The following NRG4 variants were observed in gnomAD, a reference collection of about 807,000 sequenced individuals.
NRG4 encodes neuregulin 4, also known as pro-neuregulin-4, membrane-bound isoform.
Under a neutral mutation model 15.0 loss-of-function variants are expected in NRG4, and 10 were observed. That is an observed-to-expected ratio of 0.67 (90% CI 0.41 to 1.13). The LOEUF is 1.13. Among genes scored for constraint, NRG4 ranks in the 50% most tolerant of loss-of-function variants. The pLI, the probability that NRG4 is intolerant of heterozygous loss-of-function variation, is 0.00. For synonymous variants in NRG4, 41 were observed against 50.1 expected, an observed-to-expected ratio of 0.82 and a Z score of 0.77; for missense variants, 139 against 140.2, an observed-to-expected ratio of 0.99 and a Z score of 0.04.
intron 3 of NRG4, among the ~76,000 whole-genome samples, chr15:76,004,674 A>T (rs1217106552): frequency 6.6e-6 from 1 of 152,054 alleles, no homozygotes; most frequent in African/African-American, 2.4e-5. Flanking sequence ...ATAGAAAATA[A>T]CAAAAAAGTG....
chr15:76,013,015 T>C (rs1325806913), upstream of NRG4, among the ~76,000 whole-genome samples: 1 of 152,198 alleles, frequency 6.6e-6, no homozygotes, highest in African/African-American at 2.4e-5. Context: ...TTTAAAATAT[T>C]GACTAAAACT....
intron 5 of NRG4, among the ~76,000 whole-genome samples, chr15:75,946,173 G>A (rs1475110096): frequency 1.3e-5 from 2 of 152,198 alleles, no homozygotes; most frequent in Non-Finnish European, 2.9e-5. Context: ...ATTTCATCAT[G>A]TTGCTTAGAA....
intron 5 of NRG4, among the ~76,000 whole-genome samples, chr15:75,945,391 C>G (rs1000166422): frequency 3.0e-4 from 45 of 151,674 alleles, no homozygotes; most frequent in African/African-American, 1.0e-3. Context: ...GCTGGGATTA[C>G]AGGCGCCCGC....
intron 3 of NRG4, among the ~76,000 whole-genome samples, chr15:75,992,948 G>A (rs529395073): frequency 4.2e-4 from 64 of 151,596 alleles, no homozygotes; most frequent in African/African-American, 1.5e-3. Flanking sequence ...AGCTATTATG[G>A]GTAATGCTTT....
intron 4 of NRG4, among the ~76,000 whole-genome samples, chr15:76,050,328 A>G (rs1338156782): frequency 1.4e-5 from 2 of 147,556 alleles, no homozygotes; most frequent in Non-Finnish European, 3.0e-5. Context: ...TTTCTAATCT[A>G]TTTTTTCCTG....
At chr15:76,033,305 T>C (rs112466805) in intron 5 of NRG4, among the ~76,000 whole-genome samples, 3,263 of 152,304 alleles carry the variant, frequency 0.021, 131 homozygotes, top group African/African-American at 0.075. Flanking sequence ...CCTGTCATCC[T>C]AGCACATTAG....
At chr15:76,050,571 CA>C (rs1334776375) in intron 4 of NRG4, among the ~76,000 whole-genome samples, 2 of 144,516 alleles carry the variant, frequency 1.4e-5, no homozygotes, top group Non-Finnish European at 3.0e-5. Flanking sequence ...GCTGGGATTA[CA>C]GGCACTCACC....
At chr15:75,989,510 GA>G (rs753781993) in intron 3 of NRG4, among the ~76,000 whole-genome samples, 6,777 of 146,332 alleles carry the variant, frequency 0.046, 271 homozygotes, top group African/African-American at 0.11. Context: ...TCCTTAGTCT[GA>G]AAAAAAAAAA....
At chr15:75,976,657 A>C (rs968579926) in intron 3 of NRG4, among the ~76,000 whole-genome samples, 10 of 152,166 alleles carry the variant, frequency 6.6e-5, no homozygotes, top group African/African-American at 2.2e-4. Flanking sequence ...TCACCAGCGG[A>C]GGCTGCAGAA....
intron 3 of NRG4, among the ~76,000 whole-genome samples, chr15:75,992,251 C>G (rs1406141438): frequency 1.3e-5 from 2 of 152,158 alleles, no homozygotes; most frequent in Non-Finnish European, 2.9e-5. Flanking sequence ...ATGTACCTCA[C>G]CTAAGTTGAG....
At chr15:76,006,494 G>A (rs535421820) in intron 3 of NRG4, among the ~76,000 whole-genome samples, 6 of 151,586 alleles carry the variant, frequency 4.0e-5, no homozygotes, top group South Asian at 2.1e-4. Flanking sequence ...TTTCTCAGTC[G>A]CCCTTTTGTT....
At chr15:75,990,681 T>TTG (rs2033978479) in intron 3 of NRG4, among the ~76,000 whole-genome samples, 1 of 144,982 alleles carries the variant, frequency 6.9e-6, no homozygotes, top group African/African-American at 2.6e-5. Flanking sequence ...GTTTTTTTTT[T>TTG]TTGTTTTTTT....
intron 3 of NRG4, among the ~76,000 whole-genome samples, chr15:75,998,214 A>T (rs1215002711): frequency 2.6e-5 from 4 of 152,244 alleles, no homozygotes; most frequent in Non-Finnish European, 5.9e-5. Context: ...CTCAGTGAAC[A>T]AAAAATAAAA....
At chr15:76,051,805 T>C (rs2036027609) in intron 4 of NRG4, among the ~76,000 whole-genome samples, 1 of 150,074 alleles carries the variant, frequency 6.7e-6, no homozygotes, top group South Asian at 2.1e-4. Context: ...TCTCCTGACC[T>C]TGTGATCCGC....
chr15:76,035,560 G>A (rs1246126350), intron 5 of NRG4, among the ~76,000 whole-genome samples: 1 of 151,396 alleles, frequency 6.6e-6, no homozygotes, highest in Non-Finnish European at 1.5e-5. Context: ...TTTCAGACTC[G>A]GTAACAGAAG....
chr15:76,041,259 C>T (rs1264068818), intron 4 of NRG4, among the ~76,000 whole-genome samples: 2 of 151,798 alleles, frequency 1.3e-5, no homozygotes, highest in Non-Finnish European at 2.9e-5. Flanking sequence ...GAAGAGAAGA[C>T]CATAAAACAA....
Position 76,022,259 on chromosome 15 carries a change from A to T in NRG4, c.-56-10973T>A, listed in dbSNP as rs969053304. Reference sequence around the variant, plus strand: ...GTACTAAGTGGCCTGCCATCCTTTTAAAAAAAAGAGGACAGTCTCTTGCTG... The same window carrying T: ...GTACTAAGTGGCCTGCCATCCTTTTTAAAAAAAGAGGACAGTCTCTTGCTG... On this transcript the variant is annotated intron_variant, in intron 5 of 8. Coordinates refer to the NRG4 transcript ENST00000563910. Among the ~76,000 whole-genome samples the T allele has an allele frequency of 2.5e-4, 38 of 151,956 alleles. 1 individual carries two copies.
At chr15:76,058,926 C>G (rs1275216241) in intron 1 of NRG4, among the ~76,000 whole-genome samples, 1 of 152,036 alleles carries the variant, frequency 6.6e-6, no homozygotes, top group Non-Finnish European at 1.5e-5. Context: ...TTTTTAACCA[C>G]AGAGAATATC....
At chr15:75,991,363 T>A (rs2034009716) in intron 3 of NRG4, among the ~76,000 whole-genome samples, 1 of 152,184 alleles carries the variant, frequency 6.6e-6, no homozygotes, top group African/African-American at 2.4e-5. Flanking sequence ...TAAAAATACT[T>A]ACAAATGTAA....
Sources: allele counts gnomAD v4.1 joint callset (sites outside exome capture counted in the v4.1 genomes callset), GRCh38; gene constraint gnomAD v4.1.1; transcripts MANE v1.5; gene names NCBI Gene and HGNC (gene_info 2026-07-23, HGNC 2026-07-21).